The following LYRM4 variants were observed in gnomAD, a reference collection of about 807,000 sequenced individuals.
LYRM4 encodes the protein LYR motif-containing protein 4.
A neutral mutation model predicts 11.7 loss-of-function variants in LYRM4; 9 were observed. The ratio of observed to expected loss-of-function variants is 0.77; its 90% CI spans 0.46 to 1.34. LYRM4 has a LOEUF of 1.34. Among genes scored for constraint, LYRM4 ranks in the 40% most tolerant of loss-of-function variants. The probability of loss-of-function intolerance (pLI) is 0.00; values close to 1 mark genes in which losing one functional copy is unlikely to be tolerated. For synonymous variants in LYRM4, 42 were observed against 40.4 expected (o/e 1.04, Z -0.15); for missense variants, 133 against 112.5 (o/e 1.18, Z -0.82).
intron 2 of LYRM4, among the ~76,000 whole-genome samples, chr6:5,188,800 G>A (rs1002563132): frequency 6.6e-6 from 1 of 152,188 alleles, no homozygotes; most frequent in Non-Finnish European, 1.5e-5. Context: ...GTCTTGTCCT[G>A]TCACCCAGGC....
intron 2 of LYRM4, among the ~76,000 whole-genome samples, chr6:5,169,727 C>G (rs1312652577): frequency 6.6e-6 from 1 of 152,182 alleles, no homozygotes; most frequent in African/African-American, 2.4e-5. Flanking sequence ...TACACGCTGA[C>G]TTATTCGCTT....
downstream of LYRM4, among the ~76,000 whole-genome samples, chr6:5,099,648 G>A (rs1419178241): frequency 1.3e-5 from 2 of 151,962 alleles, no homozygotes; most frequent in East Asian, 3.9e-4. The surrounding 1 kb of genome is among the most constrained non-coding windows in gnomAD (Gnocchi z 4.3). Context: ...TTGCTATGTT[G>A]CCCAGGCTGG....
chr6:5,170,368 C>CAT (rs533129772), intron 2 of LYRM4, among the ~76,000 whole-genome samples: 8,469 of 151,250 alleles, frequency 0.056, 322 homozygotes, highest in Non-Finnish European at 0.082. Context: ...TGTATGTGCA[C>CAT]ATATATATAT....
the LYRM4 span, among the ~76,000 whole-genome samples, chr6:5,096,148 T>C: frequency 2.0e-5 from 3 of 151,878 alleles, no homozygotes; most frequent in Non-Finnish European, 4.4e-5. Flanking sequence ...TTCTTGTGAG[T>C]TTTAAACCAT....
the LYRM4 span, among the ~76,000 whole-genome samples, chr6:5,046,006 G>A: frequency 3.3e-5 from 5 of 152,164 alleles, no homozygotes; most frequent in African/African-American, 9.7e-5. Context: ...GCATGAGCAC[G>A]GGGCACTCTG....
intron 2 of LYRM4, among the ~76,000 whole-genome samples, chr6:5,137,698 C>A (rs1757173865): frequency 6.6e-6 from 1 of 152,162 alleles, no homozygotes; most frequent in Non-Finnish European, 1.5e-5. Flanking sequence ...CATCTAATGT[C>A]CTGTGACTCT....
At chr6:5,049,773 G>A in the LYRM4 span, among the ~76,000 whole-genome samples, 4 of 151,774 alleles carry the variant, frequency 2.6e-5, no homozygotes, top group South Asian at 4.2e-4. Context: ...GGGTTCAAAC[G>A]ATTCTCCTGT....
chr6:5,127,979 T>C (rs1023500642), intron 2 of LYRM4, among the ~76,000 whole-genome samples: 3 of 152,256 alleles, frequency 2.0e-5, no homozygotes, highest in Non-Finnish European at 4.4e-5. Context: ...CCTGTACCCT[T>C]CACCCTATTT....
At chr6:5,234,200 T>C (rs2127746410) in intron 1 of LYRM4, among the ~76,000 whole-genome samples, 1 of 152,364 alleles carries the variant, frequency 6.6e-6, no homozygotes, top group East Asian at 1.9e-4. Flanking sequence ...ATTTGAAGCA[T>C]TAGTTTTGGG....
At chr6:5,060,007 A>C in the LYRM4 span, among the ~76,000 whole-genome samples, 5 of 152,144 alleles carry the variant, frequency 3.3e-5, no homozygotes, top group African/African-American at 1.2e-4. Context: ...CAGCATTCAG[A>C]AGGCAAAGGG....
chr6:5,247,980 C>T (rs1764269073), intron 1 of LYRM4, among the ~76,000 whole-genome samples: 1 of 152,088 alleles, frequency 6.6e-6, no homozygotes, highest in Admixed American at 6.5e-5. Context: ...TAGAGGGCTA[C>T]ACATTAAGTT....
At chr6:5,188,075 A>G (rs1271687856) in intron 2 of LYRM4, among the ~76,000 whole-genome samples, 2 of 152,208 alleles carry the variant, frequency 1.3e-5, no homozygotes, top group Non-Finnish European at 2.9e-5. Flanking sequence ...TTGGCCACGC[A>G]TGGTGGCTCA....
intron 2 of LYRM4, chr6:5,136,832 A>G: frequency 1.0e-6 from 1 of 985,076 alleles, no homozygotes; most frequent in Non-Finnish European, 1.2e-6. Flanking sequence ...GTCTCTTAAC[A>G]GCTTTATGGA....
chr6:5,162,519 G>GAGAGAGAAAGAGAGAA (rs1455031511), intron 2 of LYRM4, among the ~76,000 whole-genome samples: 1 of 151,638 alleles, frequency 6.6e-6, no homozygotes, highest in Non-Finnish European at 1.5e-5. Flanking sequence ...GAGAGAGAGA[G>GAGAGAGAAAGAGAGAA]AGAAAGAGAA....
At chr6:5,238,780 G>GA (rs1763694923) in intron 1 of LYRM4, among the ~76,000 whole-genome samples, 1 of 152,144 alleles carries the variant, frequency 6.6e-6, no homozygotes, top group Admixed American at 6.5e-5. Context: ...AGCAGAAAAT[G>GA]AATCTACTAG....
the LYRM4 span, among the ~76,000 whole-genome samples, chr6:5,062,679 T>A: frequency 1.3e-5 from 2 of 152,142 alleles, no homozygotes; most frequent in East Asian, 1.9e-4. Flanking sequence ...TGAAAACACA[T>A]AACACATCCT....
the LYRM4 span, among the ~76,000 whole-genome samples, chr6:5,090,418 T>G: frequency 0.18 from 27,264 of 152,114 alleles, 3,658 homozygotes; most frequent in African/African-American, 0.38. This position sits in a 1 kb window ranked among gnomAD's most constrained non-coding sequence, Gnocchi z 4.8. Flanking sequence ...AAGACTTAAC[T>G]AGGGAGGGTA....
chr6:5,190,988 C>T (rs1038624665), intron 2 of LYRM4, among the ~76,000 whole-genome samples: 1 of 151,926 alleles, frequency 6.6e-6, no homozygotes, highest in Non-Finnish European at 1.5e-5. Flanking sequence ...CCTCATGTGC[C>T]TTAAGAGCAT....
At chr6:5,094,066 T>C in the LYRM4 span, among the ~76,000 whole-genome samples, 1 of 152,224 alleles carries the variant, frequency 6.6e-6, no homozygotes, top group Non-Finnish European at 1.5e-5. Context: ...CTTTATCAGC[T>C]ACACAGCAGT....
Sources: gnomAD v4.1 joint callset for allele counts (sites outside exome capture counted in the v4.1 genomes callset) on GRCh38, gnomAD v4.1.1 for gene constraint, Gnocchi (gnomAD v3.1) non-coding constraint, MANE v1.5 for transcripts, NCBI Gene and HGNC (gene_info 2026-07-23, HGNC 2026-07-21) for gene names.